PCDHGC5: variants seen among roughly 807,000 people sequenced by gnomAD.
PCDHGC5 encodes protocadherin gamma-C5.
In PCDHGC5, 25 loss-of-function variants were observed where a neutral mutation model predicts 59.0. The observed-to-expected ratio is 0.42, with a 90% CI of 0.31 to 0.59. The LOEUF is 0.59. PCDHGC5 is among the 20% of genes least tolerant of loss of function. The pLI is 0.13. For synonymous variants in PCDHGC5, 434 were observed against 505.5 expected (o/e 0.86, Z 1.90); for missense variants, 1,067 against 1,206.4 (o/e 0.88, Z 1.71).
chr5:141,505,249 G>T, intron 2 of PCDHGC5, 144 bp from the exon 3 acceptor site: 1 of 1,447,748 alleles, frequency 6.9e-7, no homozygotes, highest in Non-Finnish European at 9.2e-7. Flanking sequence ...GATTGTAGAA[G>T]TGCCTCCTAC....
At chr5:141,497,503 C>CTGCTTCCT (rs1042765123) in intron 2 of PCDHGC5, among the ~76,000 whole-genome samples, 57 of 151,054 alleles carry the variant, frequency 3.8e-4, no homozygotes, top group African/African-American at 1.4e-3. Flanking sequence ...TCTCCTCTCT[C>CTGCTTCCT]TGCTTCCTTA....
At chr5:141,494,889 A>G (rs2099757275) in intron 2 of PCDHGC5, 24 bp downstream of exon 2, 1 of 1,613,844 alleles carries the variant, frequency 6.2e-7, no homozygotes, top group Admixed American at 1.7e-5. Context: ...TCTCCAGCCC[A>G]CCCTCTTCTC....
rs2099884522 is a variant in PCDHGC5, at chr5:141,512,941, T to C, written c.*1768T>C. On this transcript the variant is annotated 3_prime_UTR_variant, in exon 4 of 4. Transcript: ENST00000252087. ...CTAATATTTATATGGCTTTTTTTCT[T>C]CGACAAAAAAATAATAAAACGTTTC... The C allele has an allele frequency of 6.6e-6, 1 of 151,892 alleles. No individual in the cohort carries two copies. The highest frequency in any genetic ancestry group is 6.6e-5 in the Admixed American group (1 of 15,236). The allele number at this position is 151,892 out of a possible 1,614,324, so 9.4% of individuals were successfully genotyped here.
At position 141,489,876 on chromosome 5, in the gene PCDHGC5, T is replaced by C. The variant is rs2099693265; in HGVS notation, c.636T>C (p.Leu212=). The part of the protein sequence containing the change: ...REAQARHQLV[L]TAVDGGTPAR... ...CCCAGGCAAGACATCAGCTGGTGCT[T>C]ACTGCTGTGGATGGGGGGACCCCAG... The change falls in exon 1 of 4, where the codon CTT becomes CTC. Residue 212 remains leucine, a synonymous_variant. Transcript: ENST00000252087. This position sits in a 1 kb window ranked among gnomAD's most constrained non-coding sequence, Gnocchi z 4.5. The C allele has an allele frequency of 6.2e-7, 1 of 1,614,098 alleles. No homozygotes were observed. The highest frequency in any genetic ancestry group is 1.1e-5 in the South Asian group (1 of 91,094).
chr5:141,494,742 G>A (rs1223104681), intron 1 of PCDHGC5, 65 bp from the exon 2 acceptor site: 10 of 1,611,946 alleles, frequency 6.2e-6, no homozygotes, highest in Non-Finnish European at 8.5e-6. Context: ...CCCATCCCTA[G>A]GGGCTCGGGT....
intron 1 of PCDHGC5, among the ~76,000 whole-genome samples, chr5:141,492,167 C>T (rs565536989): frequency 6.6e-6 from 1 of 152,344 alleles, no homozygotes; most frequent in East Asian, 1.9e-4. Context: ...CCTATCCCCG[C>T]ATCACCCAAC....
chr5:141,495,386 G>C (rs2099760934), intron 2 of PCDHGC5, among the ~76,000 whole-genome samples: 1 of 152,214 alleles, frequency 6.6e-6, no homozygotes, highest in Non-Finnish European at 1.5e-5. Context: ...GGACTGGGCG[G>C]GGCATGGAGC....
At position 141,489,632 on chromosome 5, in the gene PCDHGC5, C is replaced by T; in HGVS notation, c.392C>T (p.Pro131Leu). 6.2e-7 allele frequency: 1 copy of T among 1,614,138 alleles called. No homozygotes were observed. Among genetic ancestry groups the T allele is most frequent in the Non-Finnish European group, 8.5e-7 (1 of 1,180,010 alleles). Reference sequence around the variant, plus strand: ...ATCCTGGATCTCAATGACAACTCTCCTAGCTTTGCCACCCCTGAGCGAGAG... The same window carrying T: ...ATCCTGGATCTCAATGACAACTCTCTTAGCTTTGCCACCCCTGAGCGAGAG... Reference protein sequence around the residue: ...VEILDLNDNSPSFATPEREMR... With the variant: ...VEILDLNDNSLSFATPEREMR... The change falls in exon 1 of 4, where the codon CCT (proline) becomes CTT (leucine). Residue 131 changes from proline to leucine, a missense_variant. Transcript: ENST00000252087. The surrounding 1 kb of genome is among the most constrained non-coding windows in gnomAD (Gnocchi z 4.5).
Position 141,491,162 on chromosome 5 carries a change from C to T in PCDHGC5, c.1922C>T (p.Thr641Ile). 6.2e-7 allele frequency: 1 copy of T among 1,614,112 alleles called. No homozygotes were observed. Among genetic ancestry groups the T allele is most frequent in the Non-Finnish European group, 8.5e-7 (1 of 1,179,952 alleles). The change falls in exon 1 of 4, where the codon ACC becomes ATC. Residue 641 changes from threonine (T) to isoleucine (I), a missense_variant. Coordinates refer to ENST00000252087, the MANE Select transcript of PCDHGC5 (RefSeq NM_018929.3). This position sits in a 1 kb window ranked among gnomAD's most constrained non-coding sequence, Gnocchi z 6.9. ...GCCTTACTGGAGGATGACTCTGACA[C>T]CCAGCAGGTGGTGGTCCTGGTGAGG... ...ARALLEDDSD[T>I]QQVVVLVRDN...
Position 141,489,533 on chromosome 5 carries a change from C to G in PCDHGC5, c.293C>G (p.Ala98Gly), listed in dbSNP as rs754586925. The G allele has an allele frequency of 6.2e-7, 1 of 1,614,086 alleles. No individual in the cohort carries two copies. The highest frequency in any genetic ancestry group is 1.7e-5 in the Admixed American group (1 of 60,030). ...ATTGACCGAGAAAGCCTATGTGGAG[C>G]CAGCACCAGCTGCCTGCTGCCAGTG... ...QKIDRESLCG[A>G]STSCLLPVQV... The change falls in exon 1 of 4, where the codon GCC (alanine) becomes GGC (glycine). Residue 98 changes from alanine (A) to glycine (G), a missense_variant. Coordinates refer to ENST00000252087, the MANE Select transcript of PCDHGC5 (RefSeq NM_018929.3). The surrounding 1 kb of genome is among the most constrained non-coding windows in gnomAD (Gnocchi z 4.5).
intron 3 of PCDHGC5, among the ~76,000 whole-genome samples, chr5:141,506,032 G>A (rs994735467): frequency 5.9e-5 from 9 of 152,166 alleles, no homozygotes; most frequent in Non-Finnish European, 1.0e-4. Context: ...TCCAGAGTAG[G>A]ATTCTGGTTT....
At chr5:141,508,383 T>C (rs1169318572) in intron 3 of PCDHGC5, 1 of 152,236 alleles carries the variant, frequency 6.6e-6, no homozygotes, top group Non-Finnish European at 1.5e-5. Flanking sequence ...CTCAGATTTA[T>C]AGATGGGAAA....
chr5:141,505,317 G>A, intron 2 of PCDHGC5, 76 bp from the exon 3 acceptor site: 1 of 1,603,092 alleles, frequency 6.2e-7, no homozygotes, highest in Non-Finnish European at 8.5e-7. Flanking sequence ...AGGTTTGGGA[G>A]CCCTGGGAGA....
intron 3 of PCDHGC5, among the ~76,000 whole-genome samples, chr5:141,509,068 G>A (rs1267011061): frequency 6.6e-6 from 1 of 152,144 alleles, no homozygotes; most frequent in Non-Finnish European, 1.5e-5. Flanking sequence ...TCTCAGCTCC[G>A]GGGATTTGCG....
chr5:141,492,575 C>T (rs1213639439), intron 1 of PCDHGC5, among the ~76,000 whole-genome samples: 1 of 152,218 alleles, frequency 6.6e-6, no homozygotes, highest in South Asian at 2.1e-4. Flanking sequence ...GAGCGAGGCG[C>T]GGGGCCAGGA....
intron 3 of PCDHGC5, among the ~76,000 whole-genome samples, chr5:141,507,898 C>T (rs577177417): frequency 1.3e-5 from 2 of 152,310 alleles, no homozygotes; most frequent in East Asian, 1.9e-4. Flanking sequence ...TTCCTGAAGT[C>T]CAGCCCAGCC....
rs1224625072 is a variant in PCDHGC5, at chr5:141,490,972, C to T, written c.1732C>T (p.Arg578Cys). ...AGACTGGGAACACTCAGCCCCCCAG[C>T]GTCTCCCTCGCTCTGCTCCTCCTGG... Reference protein sequence around the residue: ...RPDWEHSAPQRLPRSAPPGSL... With the variant: ...RPDWEHSAPQCLPRSAPPGSL... Residue 578 changes from arginine (R) to cysteine (C), a missense_variant, in exon 1 of 4, where the codon CGT becomes TGT. Transcript: ENST00000252087. This position sits in a 1 kb window ranked among gnomAD's most constrained non-coding sequence, Gnocchi z 5.4. The T allele has an allele frequency of 1.2e-5, 20 of 1,613,912 alleles. No individual in the cohort carries two copies. Among genetic ancestry groups the T allele is most frequent in the East Asian group, 4.5e-5 (2 of 44,882 alleles).
At chr5:141,499,331 TCA>T (rs2099791249) in intron 2 of PCDHGC5, among the ~76,000 whole-genome samples, 1 of 152,220 alleles carries the variant, frequency 6.6e-6, no homozygotes, top group African/African-American at 2.4e-5. Context: ...CTGCTCTCTC[TCA>T]GTTTGGGCAG....
In PCDHGC5 at chr5:141,491,681, C is replaced by A; in HGVS notation, c.2441C>A (p.Thr814Lys). The A allele has an allele frequency of 6.2e-7, 1 of 1,613,458 alleles. No individual in the cohort carries two copies. Among genetic ancestry groups the A allele is most frequent in the Non-Finnish European group, 8.5e-7 (1 of 1,179,804 alleles). ...GACGCCATCCGGTCCCGCTCTAATA[C>A]GCTGCGGGAGCGGAGCCAGGTGAGG... ...EPDAIRSRSN[T>K]LRERSQQAPP... The change falls in exon 1 of 4, where the codon ACG becomes AAG. Residue 814 changes from threonine (T) to lysine (K), a missense_variant. By Grantham distance (78) the Thr-to-Lys change is moderately conservative (BLOSUM62 -1). Coordinates refer to ENST00000252087, the MANE Select transcript of PCDHGC5 (RefSeq NM_018929.3). This position sits in a 1 kb window ranked among gnomAD's most constrained non-coding sequence, Gnocchi z 6.9.
Sources: gnomAD v4.1 joint callset for allele counts (sites outside exome capture counted in the v4.1 genomes callset) on GRCh38, gnomAD v4.1.1 for gene constraint, Gnocchi (gnomAD v3.1) non-coding constraint, MANE v1.5 for transcripts, NCBI Gene and HGNC (gene_info 2026-07-23, HGNC 2026-07-21) for gene names.